The following DBF4 variants were observed in gnomAD, a reference collection of about 807,000 sequenced individuals.
The protein encoded by DBF4 is DBF4-CDC7 kinase regulatory subunit, also known as protein DBF4 homolog A.
In DBF4, 25 loss-of-function variants were observed where a neutral mutation model predicts 76.6. The ratio of observed to expected loss-of-function variants is 0.33; its 90% confidence interval spans 0.24 to 0.46. The LOEUF (loss-of-function observed/expected upper bound fraction) is 0.46. DBF4 is among the 20% of genes least tolerant of loss of function. The pLI is 1.00. For synonymous variants in DBF4, 213 were observed against 258.0 expected, an observed-to-expected ratio of 0.83 and a Z score of 1.67; for missense variants, 638 against 760.8, an observed-to-expected ratio of 0.84 and a Z score of 1.90.
chr7:87,899,925 A>G (rs953829366), intron 8 of DBF4, among the ~76,000 whole-genome samples: 1 of 152,182 alleles, frequency 6.6e-6, no homozygotes, highest in African/African-American at 2.4e-5. Context: ...AAAATACGTC[A>G]TCTTACAAAA....
chr7:87,879,121 G>A (rs904226327), intron 2 of DBF4, among the ~76,000 whole-genome samples: 1 of 152,038 alleles, frequency 6.6e-6, no homozygotes, highest in Admixed American at 6.6e-5. Flanking sequence ...GGTAATTTTT[G>A]TATTTTTAGT....
At chr7:87,906,437 A>G (rs1028308291) in intron 11 of DBF4, among the ~76,000 whole-genome samples, 14 of 152,082 alleles carry the variant, frequency 9.2e-5, no homozygotes, top group Non-Finnish European at 2.1e-4. Context: ...GGCAGGAAAA[A>G]TTGTATTATT....
rs1839976103 is a variant in DBF4 at position 87,908,892 on chromosome 7, C to G, written c.*729C>G. 6.6e-6 allele frequency: 1 copy of G among 152,192 alleles called. No individual in the cohort carries two copies. Among genetic ancestry groups the G allele is most frequent in the African/African-American group, 2.4e-5 (1 of 41,414 alleles). 9.4% of individuals were successfully genotyped at this position (152,192 alleles called of 1,614,324 possible). On this transcript the variant is annotated 3_prime_UTR_variant, in exon 12 of 12. Coordinates refer to ENST00000265728, the MANE Select transcript of DBF4 (RefSeq NM_006716.4). ...GTCAGAAGATCAAGACCATCCTGGCCAACATGGTGAAACCTTGTCTACTAA... is the reference window on the plus strand; with the variant it reads ...GTCAGAAGATCAAGACCATCCTGGCGAACATGGTGAAACCTTGTCTACTAA...
In DBF4 at chr7:87,909,536, A is replaced by C. The variant is rs769403130; in HGVS notation, c.*1373A>C. On this transcript the variant is annotated 3_prime_UTR_variant, in exon 12 of 12. Coordinates refer to ENST00000265728, the MANE Select transcript of DBF4 (RefSeq NM_006716.4). ...AAGTAGGCTCAATAAAAGAGTCTTT[A>C]CAGTGCATACACGCAAACCCTGTTT... 3.3e-4 allele frequency: 50 copies of C among 152,190 alleles called. No individual in the cohort carries two copies. The highest frequency in any genetic ancestry group is 1.3e-3 in the Admixed American group (20 of 15,284). 9.4% of individuals were successfully genotyped at this position (152,190 alleles called of 1,614,324 possible). A position where few individuals can be genotyped will look rare whatever the true frequency, so the allele number is the denominator to read the frequency against.
rs957317032 is a variant in DBF4 at position 87,909,229 on chromosome 7, T to C, written c.*1066T>C. On this transcript the variant is annotated 3_prime_UTR_variant, in exon 12 of 12. Coordinates refer to ENST00000265728, the MANE Select transcript of DBF4 (RefSeq NM_006716.4). ...GCATTTGGAGAAGAGAAAATTCAAATATAAGAAATTTCAATTTGAATCTGT... is the reference window on the plus strand; with the variant it reads ...GCATTTGGAGAAGAGAAAATTCAAACATAAGAAATTTCAATTTGAATCTGT... The C allele has an allele frequency of 1.3e-5, 2 of 152,208 alleles. No individual in the cohort carries two copies. Among genetic ancestry groups the C allele is most frequent in the African/African-American group, 4.8e-5 (2 of 41,446 alleles). 9.4% of individuals were successfully genotyped at this position (152,208 alleles called of 1,614,324 possible). A position where few individuals can be genotyped will look rare whatever the true frequency, so the allele number is the denominator to read the frequency against.
chr7:87,894,490 C>T (rs181219369), intron 6 of DBF4, among the ~76,000 whole-genome samples: 258 of 152,226 alleles, frequency 1.7e-3, no homozygotes, highest in Non-Finnish European at 2.1e-3. Context: ...TTAAAGAAAG[C>T]GACAGGAGGA....
chr7:87,886,583 A>G (rs181473705), intron 3 of DBF4, among the ~76,000 whole-genome samples: 24 of 150,926 alleles, frequency 1.6e-4, no homozygotes, highest in Admixed American at 1.6e-3. Context: ...TGAAAACAGT[A>G]TATAAAATTT....
At position 87,908,748 on chromosome 7, in the gene DBF4, C is replaced by T. The variant is rs10263074; in HGVS notation, c.*585C>T. 1 of 148,522 alleles carries T rather than the reference C, an allele frequency of 6.7e-6. No homozygotes were observed. Among genetic ancestry groups the T allele is most frequent in the Non-Finnish European group, 1.5e-5 (1 of 67,672 alleles). 9.2% of individuals were successfully genotyped at this position (148,522 alleles called of 1,614,324 possible). On this transcript the variant is annotated 3_prime_UTR_variant, in exon 12 of 12. Coordinates refer to ENST00000265728, the MANE Select transcript of DBF4 (RefSeq NM_006716.4). ...GGCTACCAAGTGGAATATAATTTAT[C>T]TGCTATTTTTAATTACTTACCTTGT...
chr7:87,890,331 G>T (rs754872553), intron 6 of DBF4, among the ~76,000 whole-genome samples: 5 of 152,144 alleles, frequency 3.3e-5, no homozygotes, highest in Non-Finnish European at 5.9e-5. Context: ...ACGAGGTCAG[G>T]ATACCAGCAT....
At position 87,907,630 on chromosome 7, in the gene DBF4, G is replaced by C. The variant is rs1839943109; in HGVS notation, c.1492G>C (p.Asp498His). 1 of 1,614,062 alleles carries C rather than the reference G, an allele frequency of 6.2e-7. No homozygotes were observed. The highest frequency in any genetic ancestry group is 8.5e-7 in the Non-Finnish European group (1 of 1,179,966). ...TGTACATGTTTCTGATTTCAGTACA[G>C]ATAATAGTGGATCTCAACCAAAACA... ...ASVHVSDFST[D>H]NSGSQPKQKS... Residue 498 changes from aspartate to histidine, a missense_variant, in exon 12 of 12, where the codon GAT becomes CAT. Physicochemically the swap from Asp to His is moderately conservative, Grantham distance 81. Coordinates refer to ENST00000265728, the MANE Select transcript of DBF4 (RefSeq NM_006716.4).
intron 2 of DBF4, among the ~76,000 whole-genome samples, chr7:87,883,144 C>CA (rs1229140660): frequency 2.0e-5 from 3 of 151,192 alleles, no homozygotes; most frequent in African/African-American, 7.3e-5. Flanking sequence ...GGGTGAACCA[C>CA]AAAAAACGTG....
At chr7:87,885,280 G>A in intron 3 of DBF4, 122 bp downstream of exon 3, 2 of 784,992 alleles carry the variant, frequency 2.5e-6, no homozygotes, top group South Asian at 4.5e-5. Flanking sequence ...CACATGATGT[G>A]TGGCTCTCTA....
At chr7:87,899,290 C>T (rs374530940) in intron 8 of DBF4, among the ~76,000 whole-genome samples, 2 of 151,890 alleles carry the variant, frequency 1.3e-5, no homozygotes, top group African/African-American at 2.4e-5. Flanking sequence ...AAAAGGCAAC[C>T]GAAAGGATGG....
At chr7:87,881,007 A>C (rs1416851794) in intron 2 of DBF4, among the ~76,000 whole-genome samples, 2 of 152,264 alleles carry the variant, frequency 1.3e-5, no homozygotes, top group African/African-American at 4.8e-5. Flanking sequence ...TTTACTCTTT[A>C]AATGGCATAG....
chr7:87,885,275 G>C, intron 3 of DBF4, 117 bp downstream of exon 3: 1 of 811,870 alleles, frequency 1.2e-6, no homozygotes, highest in Non-Finnish European at 1.9e-6. Flanking sequence ...AAAGCCACAT[G>C]ATGTGTGGCT....
In DBF4 at chr7:87,907,384, A is replaced by G; in HGVS notation, c.1246A>G (p.Ile416Val). 6.2e-7 allele frequency: 1 copy of G among 1,614,040 alleles called. No individual in the cohort carries two copies. The highest frequency in any genetic ancestry group is 1.3e-5 in the African/African-American group (1 of 75,040). The change falls in exon 12 of 12, where the codon ATC becomes GTC. Residue 416 changes from isoleucine (I) to valine (V), a missense_variant. Ile to Val is a conservative substitution (Grantham distance 29). Coordinates refer to ENST00000265728, the MANE Select transcript of DBF4 (RefSeq NM_006716.4). The stretch of plus-strand genomic sequence containing the variant: ...AAAGCTCCTGTTTATTTCAGAGCCC[A>G]TCCCCCACCCTTCAAATGAATTGAG... ...EKKLLFISEP[I>V]PHPSNELRGL...
Position 87,878,110 on chromosome 7 carries a change from A to T in DBF4, c.104A>T (p.Asp35Val), listed in dbSNP as rs757353173. The change falls in exon 2 of 12, where the codon GAT (aspartate) becomes GTT (valine). Residue 35 changes from aspartate to valine, a missense_variant. Transcript: ENST00000265728. Reference protein sequence around the residue: ...NRPSLKSLKTDNRPEKSKCKP... With the variant: ...NRPSLKSLKTVNRPEKSKCKP... ...CCATCTCTGAAATCTCTGAAAACTG[A>T]TAACAGGCCAGAAAAATCCAAATGT... 6.2e-7 allele frequency: 1 copy of T among 1,612,264 alleles called. No individual in the cohort carries two copies. Among genetic ancestry groups the T allele is most frequent in the East Asian group, 2.2e-5 (1 of 44,812 alleles).
At position 87,887,373 on chromosome 7, in the gene DBF4, G is replaced by C; in HGVS notation, c.495G>C (p.Trp165Cys). The stretch of plus-strand genomic sequence containing the variant: ...GTATATTATCAAATGCCTTGTCATG[G>C]GGAGTAAAAATTCTTCATATTGATG... The part of the protein sequence containing the change: ...SNSILSNALS[W>C]GVKILHIDDI... The change falls in exon 5 of 12, where the codon TGG becomes TGC. Residue 165 changes from tryptophan (W) to cysteine (C), a missense_variant. Trp to Cys is a radical substitution (Grantham distance 215). Coordinates refer to ENST00000265728, the MANE Select transcript of DBF4 (RefSeq NM_006716.4). 1 of 1,566,210 alleles carries C rather than the reference G, an allele frequency of 6.4e-7. No individual in the cohort carries two copies. Among genetic ancestry groups the C allele is most frequent in the East Asian group, 2.3e-5 (1 of 44,016 alleles).
chr7:87,892,031 C>T (rs146642770), intron 6 of DBF4, among the ~76,000 whole-genome samples: 4 of 152,186 alleles, frequency 2.6e-5, no homozygotes, highest in Non-Finnish European at 2.9e-5. Flanking sequence ...TTTACATACT[C>T]CTTGTCCTAA....
Sources: allele counts gnomAD v4.1 joint callset (sites outside exome capture counted in the v4.1 genomes callset), GRCh38; gene constraint gnomAD v4.1.1; transcripts MANE v1.5; gene names NCBI Gene and HGNC (gene_info 2026-07-23, HGNC 2026-07-21).